CFAP92: variants seen among roughly 807,000 people sequenced by gnomAD.
CFAP92 encodes the protein cilia and flagella associated protein 92 (putative), also known as uncharacterized protein CFAP92.
CFAP92 carries 86 observed loss-of-function variants against 106.3 expected under a neutral mutation model. That is an observed-to-expected ratio of 0.81 (90% confidence interval 0.68 to 0.97). The LOEUF is 0.97. Among genes scored for constraint, CFAP92 ranks in the 50% least tolerant of loss-of-function variants. The pLI, the probability that CFAP92 is intolerant of heterozygous loss-of-function variation, is 0.00. For missense variants in CFAP92, 1,204 were observed against 1,283.8 expected (o/e 0.94, Z 0.95); for synonymous variants, 477 against 506.4 (o/e 0.94, Z 0.78).
intron 6 of CFAP92, 29 bp downstream of exon 6, chr3:128,976,950 C>T: frequency 6.3e-7 from 1 of 1,587,614 alleles, no homozygotes; most frequent in Non-Finnish European, 8.6e-7. Context: ...GCTCCACTCC[C>T]ACCACCCAAA....
upstream of CFAP92, among the ~76,000 whole-genome samples, chr3:128,994,981 G>A (rs1944426549): frequency 6.6e-6 from 1 of 152,190 alleles, no homozygotes; most frequent in Admixed American, 6.5e-5. Context: ...AGTGTGCAGG[G>A]CCCATGGTAC....
intron 9 of CFAP92, among the ~76,000 whole-genome samples, chr3:128,957,725 T>G (rs1941550747): frequency 6.6e-6 from 1 of 152,182 alleles, no homozygotes; most frequent in Non-Finnish European, 1.5e-5. Context: ...CCAAACTACA[T>G]GCAAGGCCAT....
chr3:128,988,108 G>A (rs140966450), intron 3 of CFAP92, among the ~76,000 whole-genome samples: 4 of 152,360 alleles, frequency 2.6e-5, no homozygotes, highest in Non-Finnish European at 5.9e-5. Flanking sequence ...CAAACCACTG[G>A]CAGGAGTGTG....
At position 128,915,554 on chromosome 3, in the gene CFAP92, T is replaced by C; in HGVS notation, c.2926A>G (p.Lys976Glu). 6.6e-7 allele frequency: 1 copy of C among 1,511,344 alleles called. No individual in the cohort carries two copies. Among genetic ancestry groups the C allele is most frequent in the Non-Finnish European group, 8.8e-7 (1 of 1,134,788 alleles). 93.6% of individuals were successfully genotyped at this position (1,511,344 alleles called of 1,614,324 possible). A position where few individuals can be genotyped will look rare whatever the true frequency, so the allele number is the denominator to read the frequency against. ...LYQEIAKEPRKRFTYSQDYLS... is the reference protein window; with the variant it reads ...LYQEIAKEPRERFTYSQDYLS... ...TAATCCTGTGAGTACGTGAATCTCT[T>C]TCTTGGCTCCTAGAAATGGGGGCAG... The change falls in exon 14 of 16, where the codon AAG (lysine) becomes GAG (glutamate). Residue 976 changes from lysine to glutamate, a missense_variant. Transcript: ENST00000645291.
At chr3:128,932,378 TAC>T (rs112536236) in intron 12 of CFAP92, among the ~76,000 whole-genome samples, 4 of 147,526 alleles carry the variant, frequency 2.7e-5, no homozygotes, top group East Asian at 2.0e-4. Context: ...AGCAACATGT[TAC>T]ACACACACAC....
At position 128,945,148 on chromosome 3, in the gene CFAP92, G is replaced by A. The variant is rs34092381; in HGVS notation, c.2181C>T (p.Asp727=). 0.14 allele frequency: 213,383 copies of A among 1,535,868 alleles called. 15,498 individuals carry two copies. The highest frequency in any genetic ancestry group is 0.17 in the South Asian group (14,166 of 84,058). ...CCAGGATGAAAAGGTGTGTCTTCCC[G>A]TCCAGCAGGTGGAAGCCAGTGAGCA... ...LDVLTGFHLL[D]GKTHLFILEG... is the part of the protein sequence containing the mutation. The change falls in exon 10 of 16, where the codon GAC becomes GAT. Residue 727 remains aspartate (D), a synonymous_variant. Transcript: ENST00000645291.
upstream of CFAP92, among the ~76,000 whole-genome samples, chr3:129,005,760 A>G (rs1945047975): frequency 6.6e-6 from 1 of 152,250 alleles, no homozygotes; most frequent in African/African-American, 2.4e-5. Context: ...ATGGGGCTAG[A>G]GGGAGGCCTC....
At chr3:128,943,363 C>G (rs1253167106) in intron 10 of CFAP92, among the ~76,000 whole-genome samples, 1 of 144,626 alleles carries the variant, frequency 6.9e-6, no homozygotes, top group Non-Finnish European at 1.5e-5. Flanking sequence ...CCGCTTCTCT[C>G]TTGCCCTCCC....
intron 7 of CFAP92, among the ~76,000 whole-genome samples, chr3:128,973,356 G>T (rs755938915): frequency 3.3e-5 from 5 of 152,188 alleles, no homozygotes; most frequent in Admixed American, 2.6e-4. Context: ...GCAAGCAGGG[G>T]GGAACAGATG....
At chr3:128,927,907 CA>C (rs1476982562) in intron 12 of CFAP92, among the ~76,000 whole-genome samples, 1 of 152,062 alleles carries the variant, frequency 6.6e-6, no homozygotes, top group Non-Finnish European at 1.5e-5. Flanking sequence ...CATAAATTGG[CA>C]ACCCCAAAAT....
rs1940130537 is a variant in CFAP92 at position 128,945,547 on chromosome 3, T to C, written c.1782A>G (p.Thr594=). 6.5e-7 allele frequency: 1 copy of C among 1,536,174 alleles called. No individual in the cohort carries two copies. Among genetic ancestry groups the C allele is most frequent in the Admixed American group, 2.0e-5 (1 of 50,986 alleles). ...VPIHSCEVQP[T]HCGQDSRRRK... ...TTCTCCTGCTGTCCTGGCCGCAGTG[T>C]GTGGGCTGAACCTCACAGCTGTGGA... The change falls in exon 10 of 16, where the codon ACA becomes ACG. Residue 594 remains threonine, a synonymous_variant. Transcript: ENST00000645291.
intron 9 of CFAP92, among the ~76,000 whole-genome samples, chr3:128,958,304 G>A (rs544366652): frequency 2.0e-5 from 3 of 152,312 alleles, no homozygotes; most frequent in South Asian, 4.1e-4. Context: ...AGGGGTTGTT[G>A]TGACTATAAA....
chr3:128,915,590 G>A (rs2107677808), intron 13 of CFAP92, 27 bp from the exon 14 acceptor site: 4 of 1,422,488 alleles, frequency 2.8e-6, no homozygotes, highest in East Asian at 2.5e-5. Flanking sequence ...ACAGGTTGGG[G>A]TGGAAGGGCT....
intron 3 of CFAP92, 69 bp from the exon 4 acceptor site, chr3:128,987,898 G>T: frequency 7.7e-7 from 1 of 1,301,786 alleles, no homozygotes; most frequent in Non-Finnish European, 1.1e-6. Flanking sequence ...AACAGAGCAA[G>T]CCCCAGCCCC....
chr3:128,953,564 A>ACGGTCTCCCTCT (rs1941028683), intron 9 of CFAP92, among the ~76,000 whole-genome samples: 1 of 141,828 alleles, frequency 7.1e-6, no homozygotes, highest in South Asian at 2.3e-4. Flanking sequence ...AAGCAGCAAC[A>ACGGTCTCCCTCT]CGGTCTCCCT....
chr3:129,010,723 C>T, the CFAP92 span, among the ~76,000 whole-genome samples: 1,562 of 152,308 alleles, frequency 0.01, 21 homozygotes, highest in African/African-American at 0.036. The surrounding 1 kb of genome is among the most constrained non-coding windows in gnomAD (Gnocchi z 4.3). Context: ...GGGGCACCAT[C>T]TGGAGCTGGG....
upstream of CFAP92, among the ~76,000 whole-genome samples, chr3:129,006,124 A>G (rs902542380): frequency 1.3e-5 from 2 of 152,356 alleles, no homozygotes; most frequent in Middle Eastern, 3.4e-3. Flanking sequence ...GAAGTTAAGT[A>G]ATGTACCCAA....
intron 1 of CFAP92, chr3:129,001,486 T>C: frequency 7.9e-7 from 1 of 1,257,964 alleles, no homozygotes; most frequent in Non-Finnish European, 1.0e-6. Flanking sequence ...CCAGCGCAGC[T>C]GCTGGACACG....
intron 7 of CFAP92, among the ~76,000 whole-genome samples, chr3:128,975,459 GGATGGATGGATGAATA>G (rs942921811): frequency 8.4e-6 from 1 of 118,966 alleles, no homozygotes; most frequent in Non-Finnish European, 1.8e-5. Context: ...ATGGATGGAT[GGATGGATGGATGAATA>G]AATGGAATGG....
Sources: allele counts gnomAD v4.1 joint callset (sites outside exome capture counted in the v4.1 genomes callset), GRCh38; gene constraint gnomAD v4.1.1; non-coding constraint Gnocchi (gnomAD v3.1); transcripts MANE v1.5; gene names NCBI Gene and HGNC (gene_info 2026-07-23, HGNC 2026-07-21).